The following AK8 variants were observed in gnomAD, a reference collection of about 807,000 sequenced individuals.
AK8 encodes adenylate kinase 8.
Under a neutral mutation model 54.6 loss-of-function variants are expected in AK8, and 44 were observed. The observed-to-expected ratio is 0.81, with a 90% CI of 0.63 to 1.04. The LOEUF (loss-of-function observed/expected upper bound fraction) is 1.04. Ranked by LOEUF, AK8 falls within the 50% of genes least tolerant of loss-of-function variation. The pLI, the probability that AK8 is intolerant of heterozygous loss-of-function variation, is 0.00. For missense variants in AK8, 555 were observed against 613.6 expected (o/e 0.90, Z 1.01); for synonymous variants, 239 against 245.6 (o/e 0.97, Z 0.25).
chr9:132,784,289 G>T (rs1454318656), intron 11 of AK8, among the ~76,000 whole-genome samples: 7 of 151,948 alleles, frequency 4.6e-5, no homozygotes, highest in Non-Finnish European at 1.0e-4. Context: ...GGAGGTTGAG[G>T]GGGTGGATCA....
At chr9:132,873,886 A>G (rs2526006) in intron 2 of AK8, among the ~76,000 whole-genome samples, 138,246 of 152,180 alleles carry the variant, frequency 0.91, 63,008 homozygotes, top group African/African-American at 0.98. Flanking sequence ...TGGGGAGACA[A>G]AACCTCCCAC....
chr9:132,869,348 G>A lies in AK8; in HGVS notation c.170-2395C>T, dbSNP rs1033622334. Among the ~76,000 whole-genome samples the A allele has an allele frequency of 1.4e-4, 21 of 152,340 alleles. No individual in the cohort carries two copies. In the East Asian group the frequency reaches 2.9e-3, roughly 21 times the overall value. On this transcript the variant is annotated intron_variant, in intron 2 of 12. Transcript: ENST00000298545. The stretch of plus-strand genomic sequence containing the variant: ...GGCTGGGGAGACACCAGACAGTGCT[G>A]CCCGTGCCCATGATGCTGCTGTCAC...
intron 5 of AK8, among the ~76,000 whole-genome samples, chr9:132,841,823 C>T (rs1343376332): frequency 3.3e-5 from 5 of 152,064 alleles, no homozygotes; most frequent in Non-Finnish European, 7.4e-5. Flanking sequence ...AAATCAAGCA[C>T]CCTGGCGCTT....
chr9:132,802,449 G>A (rs1239267096), intron 10 of AK8, among the ~76,000 whole-genome samples: 3 of 152,138 alleles, frequency 2.0e-5, no homozygotes, highest in African/African-American at 7.2e-5. Context: ...ATGCCTGGCC[G>A]CTGGCCCCAC....
At chr9:132,774,739 G>A (rs183868031) in intron 11 of AK8, among the ~76,000 whole-genome samples, 46 of 152,246 alleles carry the variant, frequency 3.0e-4, no homozygotes, top group Non-Finnish European at 3.5e-4. Context: ...CAACTACCCC[G>A]GGCTCTGTTC....
intron 3 of AK8, among the ~76,000 whole-genome samples, chr9:132,865,992 G>A (rs1341380773): frequency 6.6e-6 from 1 of 151,926 alleles, no homozygotes; most frequent in East Asian, 1.9e-4. Flanking sequence ...GAGGTCAGGA[G>A]TCCAATACCA....
At chr9:132,743,840 G>A (rs1837510626) in intron 11 of AK8, among the ~76,000 whole-genome samples, 1 of 152,222 alleles carries the variant, frequency 6.6e-6, no homozygotes, top group Non-Finnish European at 1.5e-5. Flanking sequence ...CTCGGGCTCT[G>A]AGAGGTGAAG....
rs71376665 is a variant in AK8, at chr9:132,850,398, C to CTT, written c.402+4457_402+4458dup. On this transcript the variant is annotated intron_variant, in intron 5 of 12. Coordinates refer to ENST00000298545, the MANE Select transcript of AK8 (RefSeq NM_152572.3). ...TGAGCCACTGCATTCAACCCTAATA[C>CTT]TTTTTTTTTTTTTTTTGAGACAGGG... 6.0e-3 allele frequency among the ~76,000 whole-genome samples: 747 copies of CTT among 123,640 alleles called. 6 individuals carry two copies. Among genetic ancestry groups the CTT allele is most frequent in the Admixed American group, 8.3e-3 (97 of 11,750 alleles). The allele number at this position is 123,640 out of a possible 152,430, so 81.1% of individuals were successfully genotyped here.
In AK8 at chr9:132,814,665, G is replaced by A. The variant is rs190008368; in HGVS notation, c.952C>T (p.Gln318Ter). 1 of 1,614,118 alleles carries A rather than the reference G, an allele frequency of 6.2e-7. No individual in the cohort carries two copies. The highest frequency in any genetic ancestry group is 2.2e-5 in the East Asian group (1 of 44,882). The change falls in exon 10 of 13, where the codon CAG (glutamine) becomes TAG (stop). Residue 318 changes from glutamine (Q) to a stop codon, truncating the protein, a stop_gained. Coordinates refer to ENST00000298545, the MANE Select transcript of AK8 (RefSeq NM_152572.3). LOFTEE classifies it high-confidence loss of function. ...GCCATCTCCTTTTCAAAGAAGGGCT[G>A]GATGAGCTCGCCAAACGTGGTCCTA... ...ADRTTFGELIQPFFEKEMAVP... is the reference protein window; with the variant it reads ...ADRTTFGELI
intron 11 of AK8, among the ~76,000 whole-genome samples, chr9:132,742,811 C>T (rs1027716753): frequency 6.6e-6 from 1 of 152,216 alleles, no homozygotes; most frequent in East Asian, 1.9e-4. Context: ...TATTAGCCTC[C>T]GTGAGGCCAC....
At chr9:132,798,520 T>C (rs554611260) in intron 10 of AK8, among the ~76,000 whole-genome samples, 2 of 152,268 alleles carry the variant, frequency 1.3e-5, no homozygotes, top group South Asian at 2.1e-4. Flanking sequence ...CACCATTAAG[T>C]CAGATGCCTC....
Position 132,792,706 on chromosome 9 carries a change from C to T in AK8, c.1049G>A (p.Trp350Ter). Residue 350 changes from tryptophan to a stop codon, truncating the protein, a stop_gained, in exon 11 of 13, where the codon TGG becomes TAG. Coordinates refer to ENST00000298545, the MANE Select transcript of AK8 (RefSeq NM_152572.3). LOFTEE classifies it high-confidence loss of function. ...LDQQDCIQKG[W>*]VLHGVPRDLD... ...GTCCCGCGGGACGCCGTGTAGCACC[C>T]AGCCTTTCTGGATGCAGTCCTGCTG... The T allele has an allele frequency of 6.4e-7, 1 of 1,557,216 alleles. No individual in the cohort carries two copies. Among genetic ancestry groups the T allele is most frequent in the Non-Finnish European group, 8.7e-7 (1 of 1,150,796 alleles).
At chr9:132,857,310 G>A (rs111892747) in intron 4 of AK8, among the ~76,000 whole-genome samples, 5 of 152,258 alleles carry the variant, frequency 3.3e-5, no homozygotes, top group African/African-American at 9.6e-5. Flanking sequence ...CAAGGGACGC[G>A]GACGCTGCTG....
intron 10 of AK8, among the ~76,000 whole-genome samples, chr9:132,804,234 C>T (rs1840610450): frequency 6.6e-6 from 1 of 152,132 alleles, no homozygotes; most frequent in African/African-American, 2.4e-5. Flanking sequence ...GTCCACACCA[C>T]AGGGACCCAG....
chr9:132,823,813 C>T (rs1841759323), intron 8 of AK8, among the ~76,000 whole-genome samples: 1 of 152,372 alleles, frequency 6.6e-6, no homozygotes, highest in African/African-American at 2.4e-5. Flanking sequence ...ATGTCAGACA[C>T]AGGCTTTGAT....
At chr9:132,796,185 C>A (rs1409054277) in intron 10 of AK8, among the ~76,000 whole-genome samples, 4 of 152,178 alleles carry the variant, frequency 2.6e-5, no homozygotes, top group African/African-American at 7.2e-5. Flanking sequence ...GCCCATAACA[C>A]CCCCAACTGT....
chr9:132,762,674 C>T lies in AK8; in HGVS notation c.1121+29960G>A, dbSNP rs11243907. 9.2e-3 allele frequency among the ~76,000 whole-genome samples: 1,399 copies of T among 152,162 alleles called. 21 individuals are homozygous for T. Among genetic ancestry groups the T allele is most frequent in the African/African-American group, 0.032 (1,314 of 41,536 alleles). ...ATCCCAGCACTTTGGGAGGCTGAGG[C>T]GGGCGGATCACCTGAGGTCAGGAGT... is the stretch of plus-strand genomic sequence containing the variant. On this transcript the variant is annotated intron_variant, in intron 11 of 12. Coordinates refer to ENST00000298545, the MANE Select transcript of AK8 (RefSeq NM_152572.3).
chr9:132,823,123 C>G, intron 9 of AK8, 82 bp downstream of exon 9: 2 of 1,473,936 alleles, frequency 1.4e-6, no homozygotes, highest in East Asian at 2.5e-5. Flanking sequence ...CACCACCCCC[C>G]ATAAAATGAG....
intron 11 of AK8, among the ~76,000 whole-genome samples, chr9:132,780,509 T>C (rs1425412934): frequency 6.6e-6 from 1 of 152,158 alleles, no homozygotes; most frequent in Non-Finnish European, 1.5e-5. Context: ...CCATATGCAA[T>C]GAGAAGAGAC....
Sources: allele counts gnomAD v4.1 joint callset (sites outside exome capture counted in the v4.1 genomes callset), GRCh38; gene constraint gnomAD v4.1.1; transcripts MANE v1.5; gene names NCBI Gene and HGNC (gene_info 2026-07-23, HGNC 2026-07-21).